Variants in JAKMIP1 observed in about 807,000 individuals in gnomAD.
The protein encoded by JAKMIP1 is janus kinase and microtubule-interacting protein 1.
Under a neutral mutation model 113.0 loss-of-function variants are expected in JAKMIP1, and 33 were observed. The ratio of observed to expected loss-of-function variants is 0.29; its 90% CI spans 0.22 to 0.39. The LOEUF (loss-of-function observed/expected upper bound fraction) is 0.39, where lower values mean the gene tolerates loss of function less well. Among genes scored for constraint, JAKMIP1 ranks in the 10% least tolerant of loss-of-function variants. The pLI, the probability that JAKMIP1 is intolerant of heterozygous loss-of-function variation, is 1.00. For synonymous variants in JAKMIP1, 480 were observed against 459.9 expected (o/e 1.04, Z -0.56); for missense variants, 813 against 1,080.5 (o/e 0.75, Z 3.47).
intron 1 of JAKMIP1, among the ~76,000 whole-genome samples, chr4:6,152,963 C>T (rs1424004418): frequency 6.6e-6 from 1 of 151,316 alleles, no homozygotes; most frequent in African/African-American, 2.4e-5. Flanking sequence ...AAGAGTGAGA[C>T]TCCGTCTCAA....
chr4:6,051,434 C>A lies in JAKMIP1; in HGVS notation c.1807-755G>T, dbSNP rs1217319954. On this transcript the variant is annotated intron_variant, in intron 13 of 20. Coordinates refer to ENST00000409021, the MANE Select transcript of JAKMIP1 (RefSeq NM_001099433.2). This position sits in a 1 kb window ranked among gnomAD's most constrained non-coding sequence, Gnocchi z 5.0. Reference sequence around the variant, plus strand: ...TTCTTTTTTAGTAGAGACGGGGTTTCACCATGTTGGCCAGGCTGGTCTTGA... The same window carrying A: ...TTCTTTTTTAGTAGAGACGGGGTTTAACCATGTTGGCCAGGCTGGTCTTGA... Among the ~76,000 whole-genome samples, 1 of 152,156 alleles carries A rather than the reference C, an allele frequency of 6.6e-6. No homozygotes were observed. The highest frequency in any genetic ancestry group is 6.5e-5 in the Admixed American group (1 of 15,276).
intron 20 of JAKMIP1, among the ~76,000 whole-genome samples, chr4:6,028,250 T>C (rs965248351): frequency 6.6e-6 from 1 of 152,214 alleles, no homozygotes; most frequent in South Asian, 2.1e-4. Flanking sequence ...TCTCAGAATA[T>C]CCTTGGGAGG....
At chr4:6,057,334 C>T (rs1308493868) in intron 11 of JAKMIP1, among the ~76,000 whole-genome samples, 1 of 152,216 alleles carries the variant, frequency 6.6e-6, no homozygotes, top group Non-Finnish European at 1.5e-5. Context: ...ATGGGAAGCC[C>T]TCTCCAACTC....
In JAKMIP1 at chr4:6,138,819, G is replaced by GA. The variant is rs1345585701; in HGVS notation, c.-147-25823dup. Among the ~76,000 whole-genome samples, 1 of 152,052 alleles carries GA rather than the reference G, an allele frequency of 6.6e-6. No individual in the cohort carries two copies. The highest frequency in any genetic ancestry group is 1.9e-4 in the East Asian group (1 of 5,186). On this transcript the variant is annotated intron_variant, in intron 1 of 20. Coordinates refer to ENST00000409021, the MANE Select transcript of JAKMIP1 (RefSeq NM_001099433.2). The surrounding 1 kb of genome is among the most constrained non-coding windows in gnomAD (Gnocchi z 6.0). ...CTGAGCTTCAGTTTCCCCTAACCTG[G>GA]AAAAATGAGGAAAATCATAGTACCT...
rs1719428226 is a variant in JAKMIP1, at chr4:6,137,577, C to T, written c.-147-24580G>A. 6.6e-6 allele frequency among the ~76,000 whole-genome samples: 1 copy of T among 152,222 alleles called. No homozygotes were observed. ...TCCAGATGGCCTCACTCGAGAGACG[C>T]TCTTTTTCAGCCAATCCACACTCTC... On this transcript the variant is annotated intron_variant, in intron 1 of 20. Transcript: ENST00000409021. The surrounding 1 kb of genome is among the most constrained non-coding windows in gnomAD (Gnocchi z 4.5).
rs1254381965 is a variant in JAKMIP1 at position 6,040,117 on chromosome 4, C to T, written c.2175+522G>A. Among the ~76,000 whole-genome samples, 2 of 152,216 alleles carry T rather than the reference C, an allele frequency of 1.3e-5. No homozygotes were observed. The highest frequency in any genetic ancestry group is 4.8e-5 in the African/African-American group (2 of 41,462). Reference sequence around the variant, plus strand: ...GAGCACTTAGCTTTGAGTGTGAGGACACAGGAGTTTGAACATCATCCCACT... The same window carrying T: ...GAGCACTTAGCTTTGAGTGTGAGGATACAGGAGTTTGAACATCATCCCACT... On this transcript the variant is annotated intron_variant, in intron 18 of 20. Transcript: ENST00000409021. The surrounding 1 kb of genome is among the most constrained non-coding windows in gnomAD (Gnocchi z 5.8).
At chr4:6,126,935 T>C (rs751001279) in intron 1 of JAKMIP1, among the ~76,000 whole-genome samples, 50 of 149,652 alleles carry the variant, frequency 3.3e-4, no homozygotes, top group Non-Finnish European at 5.6e-4. Context: ...ATACACATCA[T>C]ACACAAACAT....
intron 19 of JAKMIP1, among the ~76,000 whole-genome samples, chr4:6,030,981 C>T (rs1712571630): frequency 6.6e-6 from 1 of 152,178 alleles, no homozygotes; most frequent in Non-Finnish European, 1.5e-5. Flanking sequence ...ACTGTGGGCA[C>T]ATTTAGTCAC....
chr4:6,052,626 G>C (rs1715800485), intron 13 of JAKMIP1, among the ~76,000 whole-genome samples: 1 of 147,482 alleles, frequency 6.8e-6, no homozygotes. Flanking sequence ...CCTCCAGCCT[G>C]GGTGACAGAG....
Position 6,150,517 on chromosome 4 carries a change from T to C in JAKMIP1, c.-147-37520A>G, listed in dbSNP as rs895413871. 2 of 152,228 alleles carry C rather than the reference T, an allele frequency of 1.3e-5. No individual in the cohort carries two copies. Among genetic ancestry groups the C allele is most frequent in the African/African-American group, 2.4e-5 (1 of 41,418 alleles). The allele number at this position is 152,228 out of a possible 1,614,324, so 9.4% of individuals were successfully genotyped here. On this transcript the variant is annotated intron_variant, in intron 1 of 20. Transcript: ENST00000409021. This position sits in a 1 kb window ranked among gnomAD's most constrained non-coding sequence, Gnocchi z 4.8. The stretch of plus-strand genomic sequence containing the variant: ...CAGCCCTGTTTGCTGAACTGAGTGG[T>C]TTCCGCATCCAGGAATAGACACCCG...
intron 19 of JAKMIP1, 77 bp from the exon 20 acceptor site, chr4:6,029,858 G>T: frequency 9.9e-7 from 1 of 1,010,516 alleles, no homozygotes; most frequent in East Asian, 2.6e-5. Flanking sequence ...TTTTATTGTG[G>T]TCTAGCACAG....
chr4:6,060,528 C>T (rs949467337), intron 10 of JAKMIP1, 21 bp from the exon 11 acceptor site: 4 of 1,598,642 alleles, frequency 2.5e-6, no homozygotes, highest in South Asian at 1.1e-5. Context: ...AAAGACCAGG[C>T]AGTGAGCAGG....
At chr4:6,039,835 C>G (rs1714081777) in intron 18 of JAKMIP1, among the ~76,000 whole-genome samples, 1 of 152,144 alleles carries the variant, frequency 6.6e-6, no homozygotes, top group Admixed American at 6.5e-5. Context: ...CTTCCTGGAG[C>G]CTGTCATGGG....
At chr4:6,032,834 C>T in intron 19 of JAKMIP1, among the ~76,000 whole-genome samples, 1 of 152,168 alleles carries the variant, frequency 6.6e-6, no homozygotes. Context: ...CTCTGGGCAC[C>T]AGGGAGCCAG....
intron 11 of JAKMIP1, among the ~76,000 whole-genome samples, chr4:6,058,619 A>G (rs1450959913): frequency 6.6e-6 from 1 of 152,226 alleles, no homozygotes; most frequent in Non-Finnish European, 1.5e-5. Flanking sequence ...GTTCCAGCCA[A>G]TGGAGACAGG....
intron 11 of JAKMIP1, among the ~76,000 whole-genome samples, chr4:6,058,551 T>C (rs1226547067): frequency 6.6e-6 from 1 of 152,252 alleles, no homozygotes; most frequent in Non-Finnish European, 1.5e-5. Flanking sequence ...TACCTTTACC[T>C]ATCTAGAAAA....
Position 6,042,278 on chromosome 4 carries a change from C to T in JAKMIP1, c.2029-51G>A, listed in dbSNP as rs1714428167. On this transcript the variant is annotated intron_variant, in intron 16 of 20. Transcript: ENST00000409021. The surrounding 1 kb of genome is among the most constrained non-coding windows in gnomAD (Gnocchi z 5.2). Reference sequence around the variant, plus strand: ...GTGCAGCAAAGTGAGAGTCAGAACCCAAGGGGCTGTGGAATTTCACAGGTG... The same window carrying T: ...GTGCAGCAAAGTGAGAGTCAGAACCTAAGGGGCTGTGGAATTTCACAGGTG... 3.5e-6 allele frequency: 5 copies of T among 1,438,170 alleles called. No homozygotes were observed. In the East Asian group the frequency reaches 1.1e-4, roughly 33 times the overall value. 89.1% of individuals were successfully genotyped at this position (1,438,170 alleles called of 1,614,324 possible).
intron 3 of JAKMIP1, among the ~76,000 whole-genome samples, chr4:6,087,250 A>G (rs74614150): frequency 0.012 from 1,855 of 151,916 alleles, 45 homozygotes; most frequent in African/African-American, 0.042. Flanking sequence ...AGCAGGCTAA[A>G]ATCCCGCCCA....
At chr4:6,078,220 C>A (rs1221610056) in intron 8 of JAKMIP1, among the ~76,000 whole-genome samples, 1 of 151,308 alleles carries the variant, frequency 6.6e-6, no homozygotes, top group Non-Finnish European at 1.5e-5. Flanking sequence ...GAGGCTGAGG[C>A]AGGAGAATCA....
Sources: allele counts gnomAD v4.1 joint callset (sites outside exome capture counted in the v4.1 genomes callset), GRCh38; gene constraint gnomAD v4.1.1; non-coding constraint Gnocchi (gnomAD v3.1); transcripts MANE v1.5; gene names NCBI Gene and HGNC (gene_info 2026-07-23, HGNC 2026-07-21).